The following SORCS2 variants were observed in gnomAD, a reference collection of about 807,000 sequenced individuals.
SORCS2 encodes the protein sortilin related VPS10 domain containing receptor 2.
SORCS2 carries 100 observed loss-of-function variants against 141.6 expected under a neutral mutation model. That is an observed-to-expected ratio of 0.71 (90% CI 0.60 to 0.83). The LOEUF (loss-of-function observed/expected upper bound fraction) is 0.83, where lower values mean the gene tolerates loss of function less well. Among genes scored for constraint, SORCS2 ranks in the 40% least tolerant of loss-of-function variants. The pLI is 0.00. For synonymous variants in SORCS2, 789 were observed against 676.9 expected (o/e 1.17, Z -2.57); for missense variants, 1,646 against 1,560.2 (o/e 1.05, Z -0.93).
At chr4:7,675,567 GA>G (rs1723053421) in intron 8 of SORCS2, among the ~76,000 whole-genome samples, 1 of 152,222 alleles carries the variant, frequency 6.6e-6, no homozygotes, top group African/African-American at 2.4e-5. Flanking sequence ...CCAGTGGCTG[GA>G]AAGTTTCTGG....
At chr4:7,476,503 T>C (rs1730300983) in intron 2 of SORCS2, among the ~76,000 whole-genome samples, 1 of 152,120 alleles carries the variant, frequency 6.6e-6, no homozygotes, top group African/African-American at 2.4e-5. Flanking sequence ...TAGCAGCGCC[T>C]GGATGACTGC....
At chr4:7,385,849 C>T (rs989466664) in intron 1 of SORCS2, among the ~76,000 whole-genome samples, 3 of 152,328 alleles carry the variant, frequency 2.0e-5, no homozygotes, top group Admixed American at 6.5e-5. Flanking sequence ...TGAAGTGGCC[C>T]TTGCTGGGGG....
rs144331528 is a variant in SORCS2 at position 7,255,370 on chromosome 4, C to T, written c.480+62244C>T. Among the ~76,000 whole-genome samples the T allele has an allele frequency of 5.8e-3, 881 of 152,160 alleles. 11 individuals are homozygous for T. Among genetic ancestry groups the T allele is most frequent in the African/African-American group, 0.02 (830 of 41,512 alleles). ...ATATTGTGCCGTAGTTCCTGGCAGA[C>T]GCAGGAGCCTCAGTATGAATGGGCT... is the stretch of plus-strand genomic sequence containing the variant. On this transcript the variant is annotated intron_variant, in intron 1 of 26. Coordinates refer to ENST00000507866, the MANE Select transcript of SORCS2 (RefSeq NM_020777.3).
chr4:7,417,800 G>A (rs73210501), intron 2 of SORCS2, among the ~76,000 whole-genome samples: 5,278 of 152,296 alleles, frequency 0.035, 112 homozygotes, highest in East Asian at 0.071. Flanking sequence ...TCAATGGGGA[G>A]TGAGAAGCGG....
chr4:7,226,608 C>A (rs1440150213), intron 1 of SORCS2, among the ~76,000 whole-genome samples: 1 of 152,168 alleles, frequency 6.6e-6, no homozygotes, highest in Non-Finnish European at 1.5e-5. Flanking sequence ...AACCCCGGCC[C>A]CTTCCCCCGA....
At chr4:7,304,759 G>C (rs1195738802) in intron 1 of SORCS2, among the ~76,000 whole-genome samples, 1 of 152,204 alleles carries the variant, frequency 6.6e-6, no homozygotes, top group Non-Finnish European at 1.5e-5. Context: ...TGCAGAGCTT[G>C]GTGGGGGGCC....
chr4:7,487,779 A>G (rs781082440), intron 2 of SORCS2, among the ~76,000 whole-genome samples: 25 of 152,022 alleles, frequency 1.6e-4, no homozygotes, highest in Non-Finnish European at 2.6e-4. Context: ...CTTTCTCTCA[A>G]TTAATCCCCA....
chr4:7,550,118 GTGTGTA>G lies in SORCS2; in HGVS notation c.648+18495_648+18500del, dbSNP rs1713575735. Reference sequence around the variant, plus strand: ...GGTGTTTTTTTTTTTCCGTGTGTGTGTGTGTATGTGTGTATGTGTGTGTGTGTGTGT... The same window carrying G: ...GGTGTTTTTTTTTTTCCGTGTGTGTGTGTGTGTATGTGTGTGTGTGTGTGT... On this transcript the variant is annotated intron_variant, in intron 3 of 26. Transcript: ENST00000507866. Among the ~76,000 whole-genome samples the G allele has an allele frequency of 1.0e-4, 8 of 78,194 alleles. No individual in the cohort carries two copies. In the East Asian group the frequency reaches 1.5e-3, roughly 15 times the overall value. 51.3% of individuals were successfully genotyped at this position (78,194 alleles called of 152,430 possible).
At chr4:7,640,088 AGT>A (rs1361005793) in intron 4 of SORCS2, among the ~76,000 whole-genome samples, 2 of 148,040 alleles carry the variant, frequency 1.4e-5, no homozygotes, top group African/African-American at 2.5e-5. Context: ...ACAGCATGTC[AGT>A]GTGTGCTTGT....
In SORCS2 at chr4:7,479,198, G is replaced by A. The variant is rs559474117; in HGVS notation, c.549-52332G>A. ...CTCTCGGTGGACTTCTGTGGGTGCC[G>A]TTTCCTTCTCTGGGCGAGGGTATGT... On this transcript the variant is annotated intron_variant, in intron 2 of 26. Coordinates refer to ENST00000507866, the MANE Select transcript of SORCS2 (RefSeq NM_020777.3). 9.3e-5 allele frequency among the ~76,000 whole-genome samples: 14 copies of A among 150,972 alleles called. No individual in the cohort carries two copies. In the East Asian group the frequency reaches 2.0e-3, roughly 21 times the overall value.
chr4:7,657,392 ATAAC>A (rs60070423), intron 5 of SORCS2, among the ~76,000 whole-genome samples: 85,791 of 151,438 alleles, frequency 0.57, 28,185 homozygotes, highest in Non-Finnish European at 0.72. Context: ...GGATGAGTAA[ATAAC>A]TGAGTGTGTG....
intron 3 of SORCS2, among the ~76,000 whole-genome samples, chr4:7,564,536 A>C (rs536578249): frequency 9.8e-4 from 150 of 152,328 alleles, no homozygotes; most frequent in Middle Eastern, 3.4e-3. Flanking sequence ...TGGAGGTTAC[A>C]ACTCAGCATG....
chr4:7,312,734 G>A lies in SORCS2; in HGVS notation c.481-83554G>A, dbSNP rs183486093. ...GTTGCAGAGTGCCCGGGGACAAGAC[G>A]GAGCAAATGTCACGCCCCTGCTTAC... On this transcript the variant is annotated intron_variant, in intron 1 of 26. Transcript: ENST00000507866. 8.6e-3 allele frequency among the ~76,000 whole-genome samples: 1,307 copies of A among 152,236 alleles called. 11 individuals are homozygous for A. The highest frequency in any genetic ancestry group is 0.015 in the Non-Finnish European group (1,013 of 68,036).
At chr4:7,490,911 T>A (rs561170382) in intron 2 of SORCS2, among the ~76,000 whole-genome samples, 1 of 152,238 alleles carries the variant, frequency 6.6e-6, no homozygotes, top group South Asian at 2.1e-4. Flanking sequence ...CACCGTCTCC[T>A]CCTAGGGACG....
chr4:7,644,907 C>G (rs1163579408), intron 4 of SORCS2, among the ~76,000 whole-genome samples: 3 of 152,150 alleles, frequency 2.0e-5, no homozygotes, highest in Admixed American at 2.0e-4. Flanking sequence ...TGTGTTTATT[C>G]TTGTTTATTT....
intron 1 of SORCS2, among the ~76,000 whole-genome samples, chr4:7,237,193 T>C (rs914357236): frequency 6.6e-6 from 1 of 152,256 alleles, no homozygotes; most frequent in Non-Finnish European, 1.5e-5. Flanking sequence ...TCTTCTTCTT[T>C]AGTAAATCCA....
intron 10 of SORCS2, among the ~76,000 whole-genome samples, chr4:7,685,132 T>A (rs1452865133): frequency 6.6e-6 from 1 of 152,240 alleles, no homozygotes; most frequent in African/African-American, 2.4e-5. Context: ...TTTTGTATCA[T>A]CATTGGCAAA....
At chr4:7,327,397 A>C (rs1719334406) in intron 1 of SORCS2, among the ~76,000 whole-genome samples, 1 of 151,416 alleles carries the variant, frequency 6.6e-6, no homozygotes, top group Admixed American at 6.6e-5. Context: ...CTGTGTCCAG[A>C]CCTCCGCTCC....
At chr4:7,697,870 A>G (rs1287563573) in intron 12 of SORCS2, among the ~76,000 whole-genome samples, 1 of 144,738 alleles carries the variant, frequency 6.9e-6, no homozygotes, top group East Asian at 2.0e-4. Context: ...GGAAGTGCAC[A>G]CTTACGCAGG....
Sources: gnomAD v4.1 joint callset for allele counts (sites outside exome capture counted in the v4.1 genomes callset) on GRCh38, gnomAD v4.1.1 for gene constraint, MANE v1.5 for transcripts, NCBI Gene and HGNC (gene_info 2026-07-23, HGNC 2026-07-21) for gene names.